LSAMP: variants seen among roughly 807,000 people sequenced by gnomAD.
The protein encoded by LSAMP is limbic system associated membrane protein, also known as limbic system-associated membrane protein.
Under a neutral mutation model 38.6 loss-of-function variants are expected in LSAMP, and 7 were observed. The observed-to-expected ratio is 0.18, with a 90% confidence interval of 0.10 to 0.34. LSAMP has a LOEUF of 0.34. Among genes scored for constraint, LSAMP ranks in the 10% least tolerant of loss-of-function variants. The pLI is 1.00. For missense variants in LSAMP, 313 were observed against 420.0 expected, an observed-to-expected ratio of 0.75 and a Z score of 2.23; for synonymous variants, 154 against 166.8, an observed-to-expected ratio of 0.92 and a Z score of 0.59.
intron 3 of LSAMP, among the ~76,000 whole-genome samples, chr3:115,915,707 A>G (rs1479195380): frequency 6.6e-6 from 1 of 151,596 alleles, no homozygotes; most frequent in African/African-American, 2.4e-5. Context: ...ATCTCGGCTC[A>G]CTGCAACTTC....
At chr3:116,037,070 C>T (rs977058866) in intron 2 of LSAMP, among the ~76,000 whole-genome samples, 21 of 152,072 alleles carry the variant, frequency 1.4e-4, no homozygotes, top group Admixed American at 1.2e-3. Flanking sequence ...TGCAAGGACT[C>T]GGGGACCTCT....
chr3:116,408,265 A>C (rs2048924482), intron 1 of LSAMP, among the ~76,000 whole-genome samples: 1 of 152,104 alleles, frequency 6.6e-6, no homozygotes, highest in South Asian at 2.1e-4. Context: ...TAAGTAAATA[A>C]ATGGATAGAT....
chr3:116,055,331 G>C (rs1171034438), intron 2 of LSAMP, among the ~76,000 whole-genome samples: 1 of 152,098 alleles, frequency 6.6e-6, no homozygotes, highest in Admixed American at 6.5e-5. Flanking sequence ...GCCAAAAGTG[G>C]GCAAGAGTGA....
At position 116,166,455 on chromosome 3, in the gene LSAMP, A is replaced by G. The variant is rs907900200; in HGVS notation, c.156-79899T>C. Among the ~76,000 whole-genome samples, 5 of 152,196 alleles carry G rather than the reference A, an allele frequency of 3.3e-5. No individual in the cohort carries two copies. In the East Asian group the frequency reaches 5.8e-4, roughly 18 times the overall value. On this transcript the variant is annotated intron_variant, in intron 1 of 6. Coordinates refer to ENST00000490035, the MANE Select transcript of LSAMP (RefSeq NM_002338.5). ...CCCAGGCAGTCTGGCTCCACAGTCTATGCTCCTAGGAACTATGCTATACTG... is the reference window on the plus strand; with the variant it reads ...CCCAGGCAGTCTGGCTCCACAGTCTGTGCTCCTAGGAACTATGCTATACTG...
intron 1 of LSAMP, among the ~76,000 whole-genome samples, chr3:116,413,168 A>C (rs956744251): frequency 1.3e-5 from 2 of 152,066 alleles, no homozygotes; most frequent in East Asian, 1.9e-4. Flanking sequence ...TATACCATTA[A>C]AACCACAAAT....
intron 1 of LSAMP, among the ~76,000 whole-genome samples, chr3:116,297,291 A>C (rs1421593313): frequency 6.6e-6 from 1 of 152,186 alleles, no homozygotes; most frequent in African/African-American, 2.4e-5. Context: ...GAAATCTTGG[A>C]GAGACCATTG....
intron 2 of LSAMP, among the ~76,000 whole-genome samples, chr3:116,069,366 A>G (rs989871394): frequency 6.6e-6 from 1 of 152,228 alleles, no homozygotes; most frequent in African/African-American, 2.4e-5. Flanking sequence ...AAAGAAGTAA[A>G]TTTGGAACAA....
chr3:116,209,539 C>G (rs1363714963), intron 1 of LSAMP, among the ~76,000 whole-genome samples: 1 of 151,996 alleles, frequency 6.6e-6, no homozygotes, highest in Admixed American at 6.5e-5. Flanking sequence ...CAGTAAGGTT[C>G]AAATTGATAT....
At chr3:115,892,444 A>G (rs1256321481) in intron 3 of LSAMP, among the ~76,000 whole-genome samples, 1 of 152,040 alleles carries the variant, frequency 6.6e-6, no homozygotes, top group East Asian at 1.9e-4. Flanking sequence ...AACTATGTGT[A>G]TATCACAAAC....
At chr3:115,999,917 T>A (rs1446610627) in intron 3 of LSAMP, among the ~76,000 whole-genome samples, 1 of 152,156 alleles carries the variant, frequency 6.6e-6, no homozygotes, top group Non-Finnish European at 1.5e-5. Context: ...AGCAGGTTCC[T>A]GACAAGAACA....
intron 1 of LSAMP, among the ~76,000 whole-genome samples, chr3:116,416,957 G>A (rs559510959): frequency 6.6e-6 from 1 of 152,294 alleles, no homozygotes; most frequent in South Asian, 2.1e-4. Flanking sequence ...GGGTCCAAGA[G>A]AGGTGAAAGG....
chr3:115,889,932 T>G (rs1391720110), intron 3 of LSAMP, among the ~76,000 whole-genome samples: 1 of 151,978 alleles, frequency 6.6e-6, no homozygotes, highest in East Asian at 1.9e-4. Context: ...ATAATTTTAG[T>G]TACTCCCTCA....
intron 1 of LSAMP, among the ~76,000 whole-genome samples, chr3:116,107,311 T>C: frequency 6.6e-6 from 1 of 151,946 alleles, no homozygotes; most frequent in East Asian, 1.9e-4. Flanking sequence ...AGGAAGAAAA[T>C]AGATTTTGGA....
At chr3:116,126,958 C>G (rs1709022009) in intron 1 of LSAMP, among the ~76,000 whole-genome samples, 1 of 152,202 alleles carries the variant, frequency 6.6e-6, no homozygotes, top group Non-Finnish European at 1.5e-5. Flanking sequence ...TGGTTCCTAA[C>G]TCTTTTTTGC....
chr3:116,204,887 T>C (rs2046044405), intron 1 of LSAMP, among the ~76,000 whole-genome samples: 1 of 142,198 alleles, frequency 7.0e-6, no homozygotes, highest in Non-Finnish European at 1.5e-5. Context: ...CGATGAGGGC[T>C]CTTTTTTGGT....
chr3:116,071,595 T>C (rs1707607713), intron 2 of LSAMP, among the ~76,000 whole-genome samples: 2 of 152,208 alleles, frequency 1.3e-5, no homozygotes, highest in African/African-American at 4.8e-5. Flanking sequence ...ATTTTTTTCT[T>C]CAACTTTTAT....
chr3:116,192,765 A>C, intron 1 of LSAMP, among the ~76,000 whole-genome samples: 1 of 152,152 alleles, frequency 6.6e-6, no homozygotes, highest in East Asian at 1.9e-4. Context: ...CCATGTTTCC[A>C]GTGGTTTTTC....
intron 2 of LSAMP, among the ~76,000 whole-genome samples, chr3:116,070,856 C>T (rs1168577052): frequency 6.6e-6 from 1 of 152,054 alleles, no homozygotes; most frequent in African/African-American, 2.4e-5. Context: ...GCTTGACCAA[C>T]ATGGAGAAAC....
chr3:116,229,512 C>T (rs184760145), intron 1 of LSAMP, among the ~76,000 whole-genome samples: 45 of 152,206 alleles, frequency 3.0e-4, no homozygotes, highest in African/African-American at 1.0e-3. Flanking sequence ...AGTTTTCCCA[C>T]AGGAACACTT....
Sources: gnomAD v4.1 joint callset for allele counts (sites outside exome capture counted in the v4.1 genomes callset) on GRCh38, gnomAD v4.1.1 for gene constraint, MANE v1.5 for transcripts, NCBI Gene and HGNC (gene_info 2026-07-23, HGNC 2026-07-21) for gene names.